SNTB1: variants seen among roughly 807,000 people sequenced by gnomAD.
The protein encoded by SNTB1 is beta-1-syntrophin.
Under a neutral mutation model 48.9 loss-of-function variants are expected in SNTB1, and 36 were observed. That is an observed-to-expected ratio of 0.74 (90% CI 0.56 to 0.97). The LOEUF is 0.97. Among genes scored for constraint, SNTB1 ranks in the 50% least tolerant of loss-of-function variants. The probability of loss-of-function intolerance (pLI) is 0.00; values close to 1 mark genes in which losing one functional copy is unlikely to be tolerated. For missense variants in SNTB1, 786 were observed against 703.4 expected (o/e 1.12, Z -1.33); for synonymous variants, 299 against 294.6 (o/e 1.01, Z -0.15).
At chr8:120,654,549 C>T (rs1465817977) in intron 2 of SNTB1, among the ~76,000 whole-genome samples, 1 of 152,112 alleles carries the variant, frequency 6.6e-6, no homozygotes, top group Non-Finnish European at 1.5e-5. Flanking sequence ...GCCTATGGAA[C>T]TATTTCTGAT....
chr8:120,583,560 C>CACAA lies in SNTB1; in HGVS notation c.997-8336_997-8335insTTGT, dbSNP rs1466831833. Among the ~76,000 whole-genome samples, 360 of 134,814 alleles carry CACAA rather than the reference C, an allele frequency of 2.7e-3. 3 individuals are homozygous for CACAA. The highest frequency in any genetic ancestry group is 9.4e-3 in the African/African-American group (346 of 36,706). 88.4% of individuals were successfully genotyped at this position (134,814 alleles called of 152,430 possible). ...ACACACACACACACACACACACACA[C>CACAA]AAAACTGGAACAGTACTATCTCTCT... is the stretch of plus-strand genomic sequence containing the variant. On this transcript the variant is annotated intron_variant, in intron 3 of 6. Transcript: ENST00000517992.
intron 1 of SNTB1, among the ~76,000 whole-genome samples, chr8:120,729,786 C>A (rs1157403125): frequency 6.6e-6 from 1 of 152,210 alleles, no homozygotes; most frequent in Non-Finnish European, 1.5e-5. Context: ...TTACCATCGA[C>A]CTCACAGGAT....
intron 4 of SNTB1, among the ~76,000 whole-genome samples, chr8:120,559,343 A>G (rs919391523): frequency 2.6e-5 from 4 of 152,310 alleles, no homozygotes; most frequent in Non-Finnish European, 5.9e-5. Flanking sequence ...TGAAAAAGTG[A>G]AAGTTGTTAA....
At chr8:120,632,320 A>C in intron 3 of SNTB1, 124 bp downstream of exon 3, 2 of 917,028 alleles carry the variant, frequency 2.2e-6, no homozygotes, top group Non-Finnish European at 3.3e-6. Flanking sequence ...CTGGAGAGGA[A>C]TGAGAAATCC....
intron 2 of SNTB1, among the ~76,000 whole-genome samples, chr8:120,643,365 C>G (rs943307552): frequency 2.6e-5 from 4 of 151,992 alleles, no homozygotes; most frequent in African/African-American, 9.7e-5. Flanking sequence ...TTTGGTGTAC[C>G]CATCACCCGA....
chr8:120,552,841 A>G (rs1815504375), intron 4 of SNTB1, among the ~76,000 whole-genome samples: 3 of 152,016 alleles, frequency 2.0e-5, no homozygotes, highest in African/African-American at 7.3e-5. Context: ...AACTCACCAT[A>G]ATGTAGAATC....
intron 1 of SNTB1, among the ~76,000 whole-genome samples, chr8:120,768,382 T>A (rs973057904): frequency 1.3e-5 from 2 of 152,212 alleles, no homozygotes; most frequent in African/African-American, 4.8e-5. Flanking sequence ...GCAGCAGGTA[T>A]TAACTGAGTA....
chr8:120,555,850 C>T (rs1261677040), intron 4 of SNTB1, among the ~76,000 whole-genome samples: 1 of 152,176 alleles, frequency 6.6e-6, no homozygotes, highest in East Asian at 1.9e-4. Context: ...TCTCCCCCTC[C>T]CGTGCACTCA....
Position 120,538,397 on chromosome 8 carries a change from A to G in SNTB1, c.*480T>C, listed in dbSNP as rs1815232138. 2 of 211,526 alleles carry G rather than the reference A, an allele frequency of 9.5e-6. No homozygotes were observed. The highest frequency in any genetic ancestry group is 2.0e-5 in the Non-Finnish European group (2 of 99,266). 13.1% of individuals were successfully genotyped at this position (211,526 alleles called of 1,614,324 possible). A position where few individuals can be genotyped will look rare whatever the true frequency, so the allele number is the denominator to read the frequency against. On this transcript the variant is annotated 3_prime_UTR_variant, in exon 7 of 7. Transcript: ENST00000517992. ...TTTCTTTTCCTACAAGGGAAAGTCA[A>G]CTCAGCAAGAATTAGGAAATAAATC...
intron 1 of SNTB1, among the ~76,000 whole-genome samples, chr8:120,771,034 G>A (rs1819618054): frequency 6.6e-6 from 1 of 152,174 alleles, no homozygotes; most frequent in Non-Finnish European, 1.5e-5. Context: ...TTTTACCCAG[G>A]AGGTTGGTCA....
rs1815235333 is a variant in SNTB1, at chr8:120,538,627, C to T, written c.*250G>A. 2 of 568,438 alleles carry T rather than the reference C, an allele frequency of 3.5e-6. No homozygotes were observed. The highest frequency in any genetic ancestry group is 6.7e-6 in the Non-Finnish European group (2 of 298,436). 35.2% of individuals were successfully genotyped at this position (568,438 alleles called of 1,614,324 possible). The stretch of plus-strand genomic sequence containing the variant: ...AGCTATGCTGTGTATTTCCCGTCAC[C>T]TCACCTCTTTAACCTTGTACTGTTC... On this transcript the variant is annotated 3_prime_UTR_variant, in exon 7 of 7. Coordinates refer to ENST00000517992, the MANE Select transcript of SNTB1 (RefSeq NM_021021.4).
At chr8:120,620,974 CT>C (rs11362050) in intron 3 of SNTB1, among the ~76,000 whole-genome samples, 76,525 of 148,012 alleles carry the variant, frequency 0.52, 24,114 homozygotes, top group Non-Finnish European at 0.72. Context: ...CTTTCTTTCT[CT>C]CCCTCTCCCT....
At chr8:120,545,669 G>A (rs1815369369) in intron 5 of SNTB1, among the ~76,000 whole-genome samples, 1 of 152,224 alleles carries the variant, frequency 6.6e-6, no homozygotes, top group East Asian at 1.9e-4. Flanking sequence ...GCTTTCTACT[G>A]TGATGGAAAT....
chr8:120,715,128 C>T (rs1818533069), intron 1 of SNTB1, among the ~76,000 whole-genome samples: 1 of 152,222 alleles, frequency 6.6e-6, no homozygotes, highest in Non-Finnish European at 1.5e-5. Flanking sequence ...TTTTCATTCT[C>T]CTCTACATGC....
intron 3 of SNTB1, among the ~76,000 whole-genome samples, chr8:120,597,685 G>A (rs1816347567): frequency 6.6e-6 from 1 of 152,242 alleles, no homozygotes; most frequent in African/African-American, 2.4e-5. Flanking sequence ...GAATATGGGA[G>A]CAGCATTATG....
intron 2 of SNTB1, among the ~76,000 whole-genome samples, chr8:120,684,628 A>G (rs1432583783): frequency 6.6e-6 from 1 of 150,882 alleles, no homozygotes; most frequent in Non-Finnish European, 1.5e-5. Context: ...TCTTGACCAA[A>G]TCTATACCCA....
chr8:120,811,699 T>C lies in SNTB1; in HGVS notation c.145A>G (p.Ser49Gly). ...TACGCCGCAGCGCCCTCCTCGCTGCTCAGAACCAGGGCGTCCTCGCTCAAG... is the reference window on the plus strand; with the variant it reads ...TACGCCGCAGCGCCCTCCTCGCTGCCCAGAACCAGGGCGTCCTCGCTCAAG... ...VNLSEDALVLSSEEGAAAYNG... is the reference protein window; with the variant it reads ...VNLSEDALVLGSEEGAAAYNG... The change falls in exon 1 of 7, where the codon AGC becomes GGC. Residue 49 changes from serine (S) to glycine (G), a missense_variant. Ser to Gly is a moderately conservative substitution (Grantham distance 56). Coordinates refer to ENST00000517992, the MANE Select transcript of SNTB1 (RefSeq NM_021021.4). The C allele has an allele frequency of 6.3e-7, 1 of 1,586,778 alleles. No individual in the cohort carries two copies.
chr8:120,765,740 A>G (rs1819510998), intron 1 of SNTB1: 1 of 152,202 alleles, frequency 6.6e-6, no homozygotes, highest in African/African-American at 2.4e-5. Flanking sequence ...TGCACTGGGT[A>G]TTAAGTTTAC....
chr8:120,633,799 G>A (rs1046678054), intron 2 of SNTB1, among the ~76,000 whole-genome samples: 2 of 152,222 alleles, frequency 1.3e-5, no homozygotes, highest in Non-Finnish European at 2.9e-5. Flanking sequence ...AGATTAGCAT[G>A]GAGTTGCACA....
Sources: allele counts gnomAD v4.1 joint callset (sites outside exome capture counted in the v4.1 genomes callset), GRCh38; gene constraint gnomAD v4.1.1; transcripts MANE v1.5; gene names NCBI Gene and HGNC (gene_info 2026-07-23, HGNC 2026-07-21).